Variants in COL5A2 observed in about 807,000 individuals in gnomAD.
The protein encoded by COL5A2 is collagen alpha-2(V) chain.
COL5A2 carries 23 observed loss-of-function variants against 208.2 expected under a neutral mutation model. The ratio of observed to expected loss-of-function variants is 0.11; its 90% confidence interval spans 0.08 to 0.16. COL5A2 has a LOEUF of 0.16. Ranked by LOEUF, COL5A2 falls within the 10% of genes least tolerant of loss-of-function variation. The pLI is 1.00. For missense variants in COL5A2, 1,590 were observed against 1,956.4 expected, an observed-to-expected ratio of 0.81 and a Z score of 3.53; for synonymous variants, 625 against 628.5, an observed-to-expected ratio of 0.99 and a Z score of 0.08.
chr2:189,293,918 T>C, the COL5A2 span, among the ~76,000 whole-genome samples: 7 of 151,988 alleles, frequency 4.6e-5, no homozygotes, highest in African/African-American at 1.7e-4. Flanking sequence ...ACCCCATCTC[T>C]ACTAAACAAA....
At chr2:189,048,354 CTG>C in intron 44 of COL5A2, 92 bp from the exon 45 acceptor site, 1 of 1,147,828 alleles carries the variant, frequency 8.7e-7, no homozygotes, top group South Asian at 1.3e-5. Flanking sequence ...TGTTTTACAC[CTG>C]TGTTTTATAA....
the COL5A2 span, among the ~76,000 whole-genome samples, chr2:189,263,840 A>T: frequency 6.6e-6 from 1 of 152,134 alleles, no homozygotes; most frequent in East Asian, 1.9e-4. Context: ...TTGTCTAAGT[A>T]CACTCTTTGA....
intron 32 of COL5A2, 83 bp from the exon 33 acceptor site, chr2:189,058,610 G>A (rs1448309557): frequency 1.6e-6 from 2 of 1,278,924 alleles, no homozygotes; most frequent in Admixed American, 1.8e-5. Context: ...GGCTTCTACT[G>A]CGGAAAAATT....
chr2:189,307,115 C>CA, the COL5A2 span, among the ~76,000 whole-genome samples: 2 of 152,198 alleles, frequency 1.3e-5, no homozygotes, highest in East Asian at 3.9e-4. Flanking sequence ...ATTCAGTCTT[C>CA]AAAGGTGAAA....
chr2:189,137,564 T>C (rs551535512), intron 1 of COL5A2, among the ~76,000 whole-genome samples: 61 of 152,338 alleles, frequency 4.0e-4, no homozygotes, highest in African/African-American at 1.4e-3. Flanking sequence ...TAGAGGAAAA[T>C]GCTTTTTCTT....
At chr2:189,135,988 GAA>G (rs1396936342) in intron 1 of COL5A2, among the ~76,000 whole-genome samples, 1 of 152,214 alleles carries the variant, frequency 6.6e-6, no homozygotes, top group African/African-American at 2.4e-5. Context: ...GATCAGCAGA[GAA>G]AGAGGTCCAC....
chr2:189,117,141 G>A (rs887433375), intron 1 of COL5A2, among the ~76,000 whole-genome samples: 1 of 152,052 alleles, frequency 6.6e-6, no homozygotes, highest in Non-Finnish European at 1.5e-5. Flanking sequence ...TGTATCATTG[G>A]GAAATCTAAA....
intron 1 of COL5A2, 92 bp downstream of exon 1, chr2:189,179,416 C>T: frequency 7.0e-7 from 1 of 1,431,362 alleles, no homozygotes; most frequent in Non-Finnish European, 9.7e-7. Context: ...CAAACCAGAA[C>T]CTCCTCTTCA....
the COL5A2 span, among the ~76,000 whole-genome samples, chr2:189,436,287 G>C: frequency 6.6e-6 from 1 of 152,098 alleles, no homozygotes; most frequent in African/African-American, 2.4e-5. Context: ...TGACAAATGG[G>C]ATCTAATTAA....
the COL5A2 span, among the ~76,000 whole-genome samples, chr2:189,318,788 TA>T: frequency 2.0e-5 from 3 of 152,326 alleles, no homozygotes; most frequent in Middle Eastern, 3.4e-3. Context: ...GAGCCAAGGA[TA>T]ACGTGGGGCT....
At chr2:189,106,898 T>A (rs1164668503) in intron 2 of COL5A2, among the ~76,000 whole-genome samples, 1 of 151,510 alleles carries the variant, frequency 6.6e-6, no homozygotes, top group African/African-American at 2.4e-5. Flanking sequence ...GCTTCCTTAA[T>A]AGTCAATTAT....
the COL5A2 span, among the ~76,000 whole-genome samples, chr2:189,391,922 T>C: frequency 6.6e-6 from 1 of 152,128 alleles, no homozygotes; most frequent in Admixed American, 6.6e-5. Flanking sequence ...ATTATTAAGT[T>C]TGACATCATA....
chr2:189,155,854 C>T (rs1688236435), intron 1 of COL5A2, among the ~76,000 whole-genome samples: 1 of 152,128 alleles, frequency 6.6e-6, no homozygotes, highest in Non-Finnish European at 1.5e-5. Context: ...GGCTGCACCC[C>T]TTCTGGAAGC....
At chr2:189,052,707 G>C in intron 40 of COL5A2, 42 bp downstream of exon 40, 1 of 1,585,912 alleles carries the variant, frequency 6.3e-7, no homozygotes, top group South Asian at 1.1e-5. Context: ...TAGGTAACTA[G>C]AATTAGCTGT....
At chr2:189,379,070 G>T in the COL5A2 span, among the ~76,000 whole-genome samples, 2 of 152,056 alleles carry the variant, frequency 1.3e-5, no homozygotes, top group Admixed American at 6.6e-5. Context: ...TGTGAGCTAT[G>T]AACCCTTCTA....
chr2:189,104,868 T>C (rs1021898434), intron 2 of COL5A2, among the ~76,000 whole-genome samples: 1 of 151,842 alleles, frequency 6.6e-6, no homozygotes, highest in African/African-American at 2.4e-5. Flanking sequence ...CATAGTTCAT[T>C]AAATCTTACA....
intron 2 of COL5A2, among the ~76,000 whole-genome samples, chr2:189,107,629 A>C (rs1687177186): frequency 6.6e-6 from 1 of 151,356 alleles, no homozygotes; most frequent in Non-Finnish European, 1.5e-5. Context: ...ACATACTTTT[A>C]TTCTTTCTTT....
intron 2 of COL5A2, among the ~76,000 whole-genome samples, chr2:189,105,109 G>A (rs1371842188): frequency 6.6e-6 from 1 of 151,662 alleles, no homozygotes; most frequent in Non-Finnish European, 1.5e-5. Flanking sequence ...GAAAATTGAT[G>A]TAATTTGGGG....
At chr2:189,163,921 G>A (rs1244914912) in intron 1 of COL5A2, among the ~76,000 whole-genome samples, 1 of 152,110 alleles carries the variant, frequency 6.6e-6, no homozygotes, top group African/African-American at 2.4e-5. Flanking sequence ...CCTGTGTCCT[G>A]GTCCAGTTTT....
Sources: allele counts gnomAD v4.1 joint callset (sites outside exome capture counted in the v4.1 genomes callset), GRCh38; gene constraint gnomAD v4.1.1; transcripts MANE v1.5; gene names NCBI Gene and HGNC (gene_info 2026-07-23, HGNC 2026-07-21).